Variants in DNAH12 observed in about 807,000 individuals in gnomAD.
DNAH12 encodes the protein dynein axonemal heavy chain 12.
DNAH12 carries 285 observed loss-of-function variants against 371.5 expected under a neutral mutation model. The ratio of observed to expected loss-of-function variants is 0.77; its 90% CI spans 0.70 to 0.85. DNAH12 has a LOEUF of 0.85. DNAH12 is among the 40% of genes least tolerant of loss of function. The probability of loss-of-function intolerance (pLI) is 0.00; values close to 1 mark genes in which losing one functional copy is unlikely to be tolerated. For missense variants in DNAH12, 3,611 were observed against 3,689.4 expected (o/e 0.98, Z 0.55); for synonymous variants, 1,200 against 1,213.0 (o/e 0.99, Z 0.22).
At position 57,293,768 on chromosome 3, in the gene DNAH12, A is replaced by C; in HGVS notation, c.*13T>G. On this transcript the variant is annotated 3_prime_UTR_variant, in exon 74 of 74. Transcript: ENST00000495027. The stretch of plus-strand genomic sequence containing the variant: ...TTTTTTAAACTTTTGGATGTTTTAT[A>C]AATTTGTCCAATTTAGTCATCCAAC... 6.5e-7 allele frequency: 1 copy of C among 1,541,430 alleles called. No homozygotes were observed. The highest frequency in any genetic ancestry group is 1.2e-5 in the South Asian group (1 of 81,390).
intron 34 of DNAH12, among the ~76,000 whole-genome samples, chr3:57,425,408 A>ATTT (rs371415558): frequency 2.2e-4 from 32 of 145,848 alleles, no homozygotes; most frequent in Non-Finnish European, 3.9e-4. Context: ...CCACCAGGCT[A>ATTT]TTTTTTTTTT....
chr3:57,357,971 T>C (rs1173494312), intron 58 of DNAH12, among the ~76,000 whole-genome samples: 1 of 152,212 alleles, frequency 6.6e-6, no homozygotes, highest in African/African-American at 2.4e-5. Flanking sequence ...AAGAAAAATG[T>C]TCTCCAAGAT....
At chr3:57,439,451 C>T (rs904043842) in intron 29 of DNAH12, among the ~76,000 whole-genome samples, 1 of 152,162 alleles carries the variant, frequency 6.6e-6, no homozygotes, top group Non-Finnish European at 1.5e-5. Flanking sequence ...GGAGAAAAGA[C>T]TTCCTATTCA....
At position 57,413,837 on chromosome 3, in the gene DNAH12, A is replaced by C; in HGVS notation, c.5929T>G (p.Phe1977Val). The C allele has an allele frequency of 6.4e-7, 1 of 1,551,276 alleles. No individual in the cohort carries two copies. The highest frequency in any genetic ancestry group is 8.7e-7 in the Non-Finnish European group (1 of 1,146,738). ...GCAGGCATATTCATATCATCTATAA[A>C]AATTATACACTTCTTTCCCATAGGT... ...GPPMGKKCII[F>V]IDDMNMPALE... The change falls in exon 39 of 74, where the codon TTT becomes GTT. Residue 1977 changes from phenylalanine (F) to valine (V), a missense_variant. Physicochemically the swap from Phe to Val is conservative, Grantham distance 50. Coordinates refer to ENST00000495027, the MANE Select transcript of DNAH12 (RefSeq NM_001366028.2).
intron 60 of DNAH12, among the ~76,000 whole-genome samples, chr3:57,339,289 G>GTGTTTATC (rs1441464692): frequency 2.0e-5 from 3 of 151,522 alleles, no homozygotes; most frequent in African/African-American, 7.3e-5. Context: ...CTTTGTTCAC[G>GTGTTTATC]TGTTTATCTG....
In DNAH12 at chr3:57,371,335, A is replaced by G. The variant is rs887781504; in HGVS notation, c.8760-3075T>C. 1.1e-4 allele frequency among the ~76,000 whole-genome samples: 16 copies of G among 152,276 alleles called. No individual in the cohort carries two copies. The East Asian group carries it at 2.5e-3, about 24-fold the overall frequency. On this transcript the variant is annotated intron_variant, in intron 55 of 73. Coordinates refer to ENST00000495027, the MANE Select transcript of DNAH12 (RefSeq NM_001366028.2). Reference sequence around the variant, plus strand: ...AAATGTCTTCTTTTAACATCTTAACATATACTCACAGTATTCATTTCTTAC... The same window carrying G: ...AAATGTCTTCTTTTAACATCTTAACGTATACTCACAGTATTCATTTCTTAC...
chr3:57,469,175 A>C (rs2066292248), intron 16 of DNAH12, among the ~76,000 whole-genome samples, 196 bp from the exon 17 acceptor site: 1 of 152,208 alleles, frequency 6.6e-6, no homozygotes, highest in South Asian at 2.1e-4. Flanking sequence ...ACTATGCTGC[A>C]TGTGCTAAAA....
Position 57,530,404 on chromosome 3 carries a change from G to A in DNAH12, c.171-6520C>T. 8.4e-6 allele frequency: 5 copies of A among 598,420 alleles called. No homozygotes were observed. The South Asian group carries it at 8.9e-5, about 11-fold the overall frequency. The allele number at this position is 598,420 out of a possible 1,614,324, so 37.1% of individuals were successfully genotyped here. On this transcript the variant is annotated intron_variant, in intron 2 of 73. Coordinates refer to ENST00000495027, the MANE Select transcript of DNAH12 (RefSeq NM_001366028.2). ...TAAAACTCCAACTCCCAGGCCTCTA[G>A]CACATAGCCATCTGCTGGGCCACAC...
In DNAH12 at chr3:57,436,994, C is replaced by T; in HGVS notation, c.4612G>A (p.Glu1538Lys). 6.6e-7 allele frequency: 1 copy of T among 1,512,206 alleles called. No homozygotes were observed. The highest frequency in any genetic ancestry group is 8.8e-7 in the Non-Finnish European group (1 of 1,136,406). The allele number at this position is 1,512,206 out of a possible 1,614,324, so 93.7% of individuals were successfully genotyped here. Residue 1538 changes from glutamate (E) to lysine (K), a missense_variant, in exon 30 of 74, where the codon GAA becomes AAA. Physicochemically the swap from Glu to Lys is moderately conservative, Grantham distance 56. This residue lies in a region of DNAH12 where 2,266 missense variants were observed against 2,236.9 expected (regional missense o/e 1.01). Coordinates refer to ENST00000495027, the MANE Select transcript of DNAH12 (RefSeq NM_001366028.2). Reference protein sequence around the residue: ...HNLQPVKFFLEKIIQTYEMMI... With the variant: ...HNLQPVKFFLKKIIQTYEMMI... Reference sequence around the variant, plus strand: ...ATTTCATATGTTTGAATTATTTTTTCAAGAAAAAATTTAACAGGCTGAAGA... The same window carrying T: ...ATTTCATATGTTTGAATTATTTTTTTAAGAAAAAATTTAACAGGCTGAAGA...
Position 57,371,669 on chromosome 3 carries a change from GCACA to G in DNAH12, c.8760-3413_8760-3410del, listed in dbSNP as rs878975719. 1.1e-3 allele frequency among the ~76,000 whole-genome samples: 164 copies of G among 147,248 alleles called. 3 individuals are homozygous for G. In the East Asian group the frequency reaches 0.014, roughly 12 times the overall value. On this transcript the variant is annotated intron_variant, in intron 55 of 73. Coordinates refer to ENST00000495027, the MANE Select transcript of DNAH12 (RefSeq NM_001366028.2). ...AACTGAGACCCCCATCTCAAAACAC[GCACA>G]CACACACACACACACACAAACACAC...
At chr3:57,498,501 T>C in intron 11 of DNAH12, 1 of 715,214 alleles carries the variant, frequency 1.4e-6, no homozygotes, top group Non-Finnish European at 2.6e-6. Flanking sequence ...CTTAAAAAGT[T>C]AAAAATACAC....
At chr3:57,428,907 G>A (rs2064867720) in intron 33 of DNAH12, 86 bp from the exon 34 acceptor site, 1 of 1,317,330 alleles carries the variant, frequency 7.6e-7, no homozygotes. Context: ...GATGACTTAT[G>A]AGATCCTTTA....
rs914537394 is a variant in DNAH12, at chr3:57,293,830, C to T, written c.11834G>A (p.Arg3945Gln). 48 of 1,549,182 alleles carry T rather than the reference C, an allele frequency of 3.1e-5. No individual in the cohort carries two copies. The East Asian group carries it at 4.7e-4, about 15-fold the overall frequency. Residue 3945 changes from arginine (R) to glutamine (Q), a missense_variant, in exon 74 of 74, where the codon CGG becomes CAG. This residue lies in a region of DNAH12 where 2,266 missense variants were observed against 2,236.9 expected (regional missense o/e 1.01). Transcript: ENST00000495027. Reference sequence around the variant, plus strand: ...AGCAACCCCGCGCTTGATCCAGTGCCGAGTAGGTTGGTCTGTTTTTAACAA... The same window carrying T: ...AGCAACCCCGCGCTTGATCCAGTGCTGAGTAGGTTGGTCTGTTTTTAACAA... ...AMLLKTDQPT[R>Q]HWIKRGVALL... is the part of the protein sequence containing the mutation.
Position 57,470,647 on chromosome 3 carries a change from A to G in DNAH12, c.1912-11T>C, listed in dbSNP as rs2066340053. 5 of 1,516,548 alleles carry G rather than the reference A, an allele frequency of 3.3e-6. No homozygotes were observed. Among genetic ancestry groups the G allele is most frequent in the Admixed American group, 2.6e-5 (1 of 38,452 alleles). 93.9% of individuals were successfully genotyped at this position (1,516,548 alleles called of 1,614,324 possible). On this transcript the variant is annotated splice_polypyrimidine_tract_variant and intron_variant, in intron 15 of 73. Coordinates refer to ENST00000495027, the MANE Select transcript of DNAH12 (RefSeq NM_001366028.2). ...TACATCTGTCACATACTGAAAGTAA[A>G]TAAGTTTTTTGTCTTAAAAAAAATT... is the stretch of plus-strand genomic sequence containing the variant.
Position 57,293,878 on chromosome 3 carries a change from G to A in DNAH12, c.11786C>T (p.Ser3929Phe). 2 of 1,548,882 alleles carry A rather than the reference G, an allele frequency of 1.3e-6. No individual in the cohort carries two copies. Among genetic ancestry groups the A allele is most frequent in the South Asian group, 2.4e-5 (2 of 83,748 alleles). Reference protein sequence around the residue: ...RKGTLSTTGHSTNFVIAMLLK... With the variant: ...RKGTLSTTGHFTNFVIAMLLK... ...CAACATTGCAATGACAAAGTTAGTA[G>A]AATGTCCCGTAGTGGAAAGAGTTCC... Residue 3929 changes from serine to phenylalanine, a missense_variant, in exon 74 of 74, where the codon TCT becomes TTT. By Grantham distance (155) the Ser-to-Phe change is radical (BLOSUM62 -2). Coordinates refer to ENST00000495027, the MANE Select transcript of DNAH12 (RefSeq NM_001366028.2).
At chr3:57,342,103 A>G (rs2062416206) in intron 60 of DNAH12, among the ~76,000 whole-genome samples, 1 of 152,192 alleles carries the variant, frequency 6.6e-6, no homozygotes, top group African/African-American at 2.4e-5. Flanking sequence ...CTTATTCTAC[A>G]CAAAAATCAA....
At position 57,351,831 on chromosome 3, in the gene DNAH12, C is replaced by T. The variant is rs557110361; in HGVS notation, c.9674+254G>A. ...ATGGTGGGGAAATGTTCTATTTCGTCACCAGATCCTCCCTTTGTAAGAATT... is the reference window on the plus strand; with the variant it reads ...ATGGTGGGGAAATGTTCTATTTCGTTACCAGATCCTCCCTTTGTAAGAATT... On this transcript the variant is annotated intron_variant, in intron 60 of 73. Coordinates refer to ENST00000495027, the MANE Select transcript of DNAH12 (RefSeq NM_001366028.2). Among the ~76,000 whole-genome samples the T allele has an allele frequency of 7.2e-5, 11 of 152,176 alleles. No individual in the cohort carries two copies. The South Asian group carries it at 1.9e-3, about 26-fold the overall frequency.
chr3:57,552,994 T>C, the DNAH12 span, among the ~76,000 whole-genome samples: 3 of 152,042 alleles, frequency 2.0e-5, no homozygotes, highest in Non-Finnish European at 2.9e-5. Context: ...CTGACCAACA[T>C]GGAGAAACCC....
chr3:57,477,321 T>C lies in DNAH12; in HGVS notation c.1651-4650A>G, dbSNP rs577643843. 2.6e-5 allele frequency among the ~76,000 whole-genome samples: 4 copies of C among 152,106 alleles called. No individual in the cohort carries two copies. The East Asian group carries it at 7.7e-4, about 29-fold the overall frequency. On this transcript the variant is annotated intron_variant, in intron 13 of 73. Coordinates refer to ENST00000495027, the MANE Select transcript of DNAH12 (RefSeq NM_001366028.2). The stretch of plus-strand genomic sequence containing the variant: ...GGGTCCTACACCCACGGAGCCTCAC[T>C]CATTGCTAGCACAGCAGTCTGATAT...
Sources: gnomAD v4.1 joint callset for allele counts (sites outside exome capture counted in the v4.1 genomes callset) on GRCh38, gnomAD v4.1.1 for gene constraint, gnomAD v4.1.1 regional missense constraint, MANE v1.5 for transcripts, NCBI Gene and HGNC (gene_info 2026-07-23, HGNC 2026-07-21) for gene names.